The following WFDC10B variants were observed in gnomAD, a reference collection of about 807,000 sequenced individuals.
WFDC10B encodes the protein WAP four-disulfide core domain 10B.
A neutral mutation model predicts 2.7 loss-of-function variants in WFDC10B; 1 was observed. The observed-to-expected ratio is 0.38, with a 90% confidence interval of 0.13 to 1.79. WFDC10B has a LOEUF of 1.79. Ranked by LOEUF, WFDC10B falls within the 40% of genes most tolerant of loss-of-function variation. The pLI is 0.33. For synonymous variants in WFDC10B, 26 were observed against 32.2 expected (o/e 0.81, Z 0.65); for missense variants, 71 against 87.8 (o/e 0.81, Z 0.76).
intron 2 of WFDC10B, among the ~76,000 whole-genome samples, chr20:45,703,796 C>T (rs1271501318): frequency 6.6e-6 from 1 of 152,140 alleles, no homozygotes; most frequent in East Asian, 1.9e-4. Context: ...GGTGCTCTGG[C>T]CTCCTGATCG....
Position 45,704,543 on chromosome 20 carries a change from C to A in WFDC10B, c.-111G>T. 1.2e-6 allele frequency: 2 copies of A among 1,614,182 alleles called. No homozygotes were observed. The highest frequency in any genetic ancestry group is 1.3e-5 in the African/African-American group (1 of 75,032). ...TGCGAGAAAGGATTTCAGTGCTGTT[C>A]CTCCTTCTGTGGGATAGTCTGTTCA... On this transcript the variant is annotated 5_prime_UTR_variant, in exon 2 of 4. Transcript: ENST00000330523.
chr20:45,688,821 C>T (rs964611322), intron 2 of WFDC10B, among the ~76,000 whole-genome samples: 1 of 152,162 alleles, frequency 6.6e-6, no homozygotes, highest in Admixed American at 6.5e-5. Context: ...GTTTCTTTTG[C>T]TATGCAGAAG....
intron 2 of WFDC10B, among the ~76,000 whole-genome samples, chr20:45,688,098 C>A (rs1400597674): frequency 7.1e-6 from 1 of 140,936 alleles, no homozygotes; most frequent in Non-Finnish European, 1.5e-5. Context: ...TTGTTCAATT[C>A]CCACCTATGA....
chr20:45,697,706 G>T (rs2145640598), intron 2 of WFDC10B, among the ~76,000 whole-genome samples: 1 of 148,590 alleles, frequency 6.7e-6, no homozygotes, highest in Admixed American at 6.7e-5. Flanking sequence ...GCATTACAAT[G>T]CAATTCCAAT....
intron 2 of WFDC10B, among the ~76,000 whole-genome samples, chr20:45,696,672 G>A (rs1220478600): frequency 6.6e-6 from 1 of 152,004 alleles, no homozygotes. Context: ...CAAATTCCTA[G>A]AAACTCACAA....
intron 2 of WFDC10B, chr20:45,702,239 G>T: frequency 6.3e-7 from 1 of 1,598,102 alleles, no homozygotes; most frequent in South Asian, 1.1e-5. Context: ...GCCCAAGGAG[G>T]GAAGTAACAT....
intron 2 of WFDC10B, among the ~76,000 whole-genome samples, chr20:45,694,247 G>A (rs986480279): frequency 6.6e-6 from 1 of 152,096 alleles, no homozygotes. Flanking sequence ...TTTTCTTCTA[G>A]AGTTTTTATA....
chr20:45,697,379 ATTTTTTT>A (rs869059383), intron 2 of WFDC10B, among the ~76,000 whole-genome samples: 2 of 114,010 alleles, frequency 1.8e-5, no homozygotes, highest in Admixed American at 1.0e-4. Context: ...ACATCCCATC[ATTTTTTT>A]TTTTTTTTTT....
chr20:45,693,774 C>A (rs901538452), intron 2 of WFDC10B, among the ~76,000 whole-genome samples: 1 of 152,232 alleles, frequency 6.6e-6, no homozygotes, highest in African/African-American at 2.4e-5. Context: ...TGACCCCTTG[C>A]GCTTCCCGAG....
At position 45,704,565 on chromosome 20, in the gene WFDC10B, T is replaced by G; in HGVS notation, c.-129-4A>C. On this transcript the variant is annotated splice_polypyrimidine_tract_variant and splice_region_variant and intron_variant, in intron 1 of 3. Transcript: ENST00000330523. ...GTTCCTCCTTCTGTGGGATAGTCTG[T>G]TCATCAGAAACATTTCAAAAGCGCA... The G allele has an allele frequency of 6.2e-7, 1 of 1,614,184 alleles. No individual in the cohort carries two copies. Among genetic ancestry groups the G allele is most frequent in the Non-Finnish European group, 8.5e-7 (1 of 1,180,028 alleles).
chr20:45,695,332 G>A (rs138472493), intron 2 of WFDC10B, among the ~76,000 whole-genome samples: 15 of 152,282 alleles, frequency 9.9e-5, no homozygotes, highest in Admixed American at 9.8e-4. Context: ...TTGGTTGTTG[G>A]TGTTGGAAAG....
At chr20:45,690,749 G>T (rs1290588980) in intron 2 of WFDC10B, among the ~76,000 whole-genome samples, 2 of 151,842 alleles carry the variant, frequency 1.3e-5, no homozygotes, top group African/African-American at 4.8e-5. Context: ...AGTCTTGCTA[G>T]TGGTCTATCA....
chr20:45,686,113 C>T (rs1271608888), intron 2 of WFDC10B, 57 bp from the exon 3 acceptor site: 5 of 1,498,018 alleles, frequency 3.3e-6, no homozygotes, highest in African/African-American at 2.8e-5. Flanking sequence ...GCTGCCTCCA[C>T]TGGACAAGTC....
intron 2 of WFDC10B, among the ~76,000 whole-genome samples, chr20:45,697,072 G>T (rs1984000081): frequency 6.6e-6 from 1 of 152,152 alleles, no homozygotes; most frequent in South Asian, 2.1e-4. Context: ...AGACAAGGAT[G>T]CATCTTTCAC....
chr20:45,688,567 T>C (rs1161313657), intron 2 of WFDC10B, among the ~76,000 whole-genome samples: 1 of 152,190 alleles, frequency 6.6e-6, no homozygotes, highest in Non-Finnish European at 1.5e-5. Context: ...CATTGTGGTT[T>C]TGATTTGCAT....
chr20:45,701,985 T>G (rs1984180903), intron 2 of WFDC10B: 3 of 721,592 alleles, frequency 4.2e-6, no homozygotes, highest in Non-Finnish European at 7.0e-6. Flanking sequence ...GCCCTGCCGG[T>G]TTTGATTGGA....
chr20:45,698,901 G>A (rs981791852), intron 2 of WFDC10B, among the ~76,000 whole-genome samples: 2 of 151,368 alleles, frequency 1.3e-5, no homozygotes, highest in African/African-American at 4.9e-5. Context: ...CCAGGAGGTG[G>A]AGGTTGCAGT....
In WFDC10B at chr20:45,704,487, C is replaced by T. The variant is rs1371582777; in HGVS notation, c.-65+10G>A. 2 of 1,613,974 alleles carry T rather than the reference C, an allele frequency of 1.2e-6. No homozygotes were observed. The highest frequency in any genetic ancestry group is 4.5e-5 in the East Asian group (2 of 44,880). ...CACCCTGCATATCAGCACCTGAAAA[C>T]TGTACTCACCTGTGTACAATGCAGG... On this transcript the variant is annotated intron_variant, in intron 2 of 3. Coordinates refer to ENST00000330523, the MANE Select transcript of WFDC10B (RefSeq NM_172006.2).
rs1983604060 is a variant in WFDC10B, at chr20:45,686,002, C to T, written c.-10G>A. ...GAGTCTGGGGTGCCATAACTCTGAC[C>T]AGAGCGTGAGCCCTAAGTCTGGCCA... On this transcript the variant is annotated 5_prime_UTR_variant, in exon 3 of 4. An upstream open reading frame in the 5' UTR gains an earlier in-frame stop. Coordinates refer to ENST00000330523, the MANE Select transcript of WFDC10B (RefSeq NM_172006.2). The T allele has an allele frequency of 6.2e-7, 1 of 1,613,390 alleles. No individual in the cohort carries two copies. The highest frequency in any genetic ancestry group is 1.3e-5 in the African/African-American group (1 of 74,916).
Sources: allele counts gnomAD v4.1 joint callset (sites outside exome capture counted in the v4.1 genomes callset), GRCh38; gene constraint gnomAD v4.1.1; transcripts MANE v1.5; gene names NCBI Gene and HGNC (gene_info 2026-07-23, HGNC 2026-07-21).